Variants in BBX observed in about 807,000 individuals in gnomAD.
BBX encodes the protein HMG box transcription factor BBX.
In BBX, 30 loss-of-function variants were observed where a neutral mutation model predicts 100.2. The ratio of observed to expected loss-of-function variants is 0.30; its 90% CI spans 0.22 to 0.41. BBX has a LOEUF of 0.41. Ranked by LOEUF, BBX falls within the 10% of genes least tolerant of loss-of-function variation. The probability of loss-of-function intolerance (pLI) is 1.00; values close to 1 mark genes in which losing one functional copy is unlikely to be tolerated. For synonymous variants in BBX, 376 were observed against 388.1 expected, an observed-to-expected ratio of 0.97 and a Z score of 0.37; for missense variants, 1,023 against 1,129.8, an observed-to-expected ratio of 0.91 and a Z score of 1.35.
At chr3:107,663,926 C>G (rs1435218016) in intron 3 of BBX, among the ~76,000 whole-genome samples, 1 of 151,738 alleles carries the variant, frequency 6.6e-6, no homozygotes, top group African/African-American at 2.4e-5. Context: ...CTGCCTCAGT[C>G]TCCCAAGTAG....
At chr3:107,674,132 T>G (rs1479175876) in intron 3 of BBX, among the ~76,000 whole-genome samples, 3 of 152,168 alleles carry the variant, frequency 2.0e-5, no homozygotes, top group Admixed American at 6.5e-5. Context: ...TCATCTGTAG[T>G]CCCTTAAAAA....
chr3:107,737,047 C>G (rs2063684211), intron 7 of BBX, among the ~76,000 whole-genome samples: 1 of 152,154 alleles, frequency 6.6e-6, no homozygotes, highest in Non-Finnish European at 1.5e-5. Flanking sequence ...ATTGATCAAG[C>G]CACTCTTTTC....
chr3:107,681,861 G>A (rs757126524), intron 3 of BBX, among the ~76,000 whole-genome samples: 4 of 152,200 alleles, frequency 2.6e-5, no homozygotes, highest in Admixed American at 1.3e-4. Context: ...AGTAAAGCTA[G>A]CAACAGGGGG....
At chr3:107,723,024 A>G (rs1185274173) in intron 5 of BBX, among the ~76,000 whole-genome samples, 1 of 152,028 alleles carries the variant, frequency 6.6e-6, no homozygotes, top group Non-Finnish European at 1.5e-5. Flanking sequence ...TATACAGTAA[A>G]ACATTTGTTA....
intron 17 of BBX, 67 bp downstream of exon 17, chr3:107,801,348 T>C: frequency 6.5e-7 from 1 of 1,533,458 alleles, no homozygotes; most frequent in Admixed American, 1.9e-5. Context: ...ATGTGATTTG[T>C]GACATTTTTT....
At chr3:107,702,843 T>TG (rs1272269790) in intron 3 of BBX, among the ~76,000 whole-genome samples, 1 of 151,730 alleles carries the variant, frequency 6.6e-6, no homozygotes, top group East Asian at 1.9e-4. Context: ...AGAGGGAGAA[T>TG]GGGGGTGTGG....
chr3:107,550,022 C>A (rs886212845), intron 2 of BBX, among the ~76,000 whole-genome samples: 3 of 151,938 alleles, frequency 2.0e-5, no homozygotes, highest in Non-Finnish European at 4.4e-5. Flanking sequence ...CTTATTCATT[C>A]ATTTATACAT....
At chr3:107,617,765 T>G (rs1559879551) in intron 2 of BBX, among the ~76,000 whole-genome samples, 1 of 152,146 alleles carries the variant, frequency 6.6e-6, no homozygotes, top group Non-Finnish European at 1.5e-5. Flanking sequence ...TTTGCTAAAG[T>G]CATTCATTTT....
rs547726851 is a variant in BBX, at chr3:107,728,845, C to T, written c.486C>T (p.Pro162=). 6.2e-7 allele frequency: 1 copy of T among 1,613,920 alleles called. No homozygotes were observed. The highest frequency in any genetic ancestry group is 1.3e-5 in the African/African-American group (1 of 75,022). Residue 162 remains proline, a synonymous_variant, in exon 6 of 18, where the codon CCC becomes CCT. Transcript: ENST00000325805. Reference sequence around the variant, plus strand: ...ACAAGCCTGTGAAATCCCCAACACCCACTGTCAATCCACGAAAGAAACTTT... The same window carrying T: ...ACAAGCCTGTGAAATCCCCAACACCTACTGTCAATCCACGAAAGAAACTTT... The part of the protein sequence containing the change: ...TTNKPVKSPT[P]TVNPRKKLWA...
At chr3:107,703,363 G>A (rs1469526684) in intron 3 of BBX, among the ~76,000 whole-genome samples, 1 of 152,148 alleles carries the variant, frequency 6.6e-6, no homozygotes, top group Admixed American at 6.5e-5. Flanking sequence ...CTCTTTGGAT[G>A]CCTTGTCTCT....
intron 5 of BBX, among the ~76,000 whole-genome samples, chr3:107,718,495 TTTTTC>T (rs2062282656): frequency 6.6e-6 from 1 of 151,734 alleles, no homozygotes; most frequent in African/African-American, 2.4e-5. Flanking sequence ...TAGCCTTACA[TTTTTC>T]ATAGTCATGC....
At chr3:107,611,304 T>G (rs1015505793) in intron 2 of BBX, among the ~76,000 whole-genome samples, 2 of 152,172 alleles carry the variant, frequency 1.3e-5, no homozygotes, top group Non-Finnish European at 2.9e-5. Flanking sequence ...ATAGTCTGTG[T>G]TTTTCTGTGT....
At chr3:107,787,572 G>A (rs2068569776) in intron 13 of BBX, among the ~76,000 whole-genome samples, 1 of 152,126 alleles carries the variant, frequency 6.6e-6, no homozygotes, top group African/African-American at 2.4e-5. Context: ...ATTGGTGCCG[G>A]TTGCAAATAT....
intron 2 of BBX, among the ~76,000 whole-genome samples, chr3:107,551,943 C>A (rs192542799): frequency 5.8e-4 from 88 of 152,106 alleles, no homozygotes; most frequent in African/African-American, 2.1e-3. Context: ...ACTTTAGTTG[C>A]AGAACATTGA....
At position 107,773,164 on chromosome 3, in the gene BBX, T is replaced by C; in HGVS notation, c.1443T>C (p.Ser481=). The C allele has an allele frequency of 6.2e-7, 1 of 1,614,112 alleles. No individual in the cohort carries two copies. The highest frequency in any genetic ancestry group is 8.5e-7 in the Non-Finnish European group (1 of 1,180,008). The change falls in exon 11 of 18, where the codon TCT becomes TCC. Residue 481 remains serine, a synonymous_variant. Transcript: ENST00000325805. This position sits in a 1 kb window ranked among gnomAD's most constrained non-coding sequence, Gnocchi z 4.1. ...KTCKKRQSSE[S]DIESVIYTIE... is the part of the protein sequence containing the mutation. ...GCAAAAAGAGGCAGTCTTCGGAATC[T>C]GACATTGAGAGCGTCATATATACCA...
chr3:107,727,403 A>G (rs1399193038), intron 5 of BBX, among the ~76,000 whole-genome samples: 1 of 152,120 alleles, frequency 6.6e-6, no homozygotes, highest in Admixed American at 6.6e-5. Flanking sequence ...CTTGTATCAC[A>G]GTTGATACCT....
At chr3:107,697,865 A>C (rs948308146) in intron 3 of BBX, among the ~76,000 whole-genome samples, 7 of 151,510 alleles carry the variant, frequency 4.6e-5, no homozygotes, top group Admixed American at 4.6e-4. Context: ...TGGGCGTACG[A>C]CCCTCCGAGC....
chr3:107,552,147 AC>A (rs909431708), intron 2 of BBX, among the ~76,000 whole-genome samples: 1 of 151,618 alleles, frequency 6.6e-6, no homozygotes, highest in African/African-American at 2.4e-5. Context: ...TTCAAGACCA[AC>A]CTGGACAACA....
chr3:107,711,533 A>G (rs1165497297), intron 4 of BBX, among the ~76,000 whole-genome samples: 1 of 152,206 alleles, frequency 6.6e-6, no homozygotes, highest in Non-Finnish European at 1.5e-5. Context: ...TTTTTCAGAC[A>G]TCATCTGGAT....
Sources: allele counts gnomAD v4.1 joint callset (sites outside exome capture counted in the v4.1 genomes callset), GRCh38; gene constraint gnomAD v4.1.1; non-coding constraint Gnocchi (gnomAD v3.1); transcripts MANE v1.5; gene names NCBI Gene and HGNC (gene_info 2026-07-23, HGNC 2026-07-21).